SLC6A15: variants seen among roughly 807,000 people sequenced by gnomAD.
The protein encoded by SLC6A15 is solute carrier family 6 member 15, also known as sodium-dependent neutral amino acid transporter B(0)AT2.
A neutral mutation model predicts 68.5 loss-of-function variants in SLC6A15; 33 were observed. The observed-to-expected ratio is 0.48, with a 90% CI of 0.37 to 0.64. The LOEUF is 0.64. SLC6A15 is among the 30% of genes least tolerant of loss of function. The pLI is 0.00. For synonymous variants in SLC6A15, 347 were observed against 301.0 expected, an observed-to-expected ratio of 1.15 and a Z score of -1.58; for missense variants, 747 against 874.3, an observed-to-expected ratio of 0.85 and a Z score of 1.84.
intron 11 of SLC6A15, among the ~76,000 whole-genome samples, chr12:84,862,947 G>A (rs1870912743): frequency 6.6e-6 from 1 of 151,974 alleles, no homozygotes; most frequent in Non-Finnish European, 1.5e-5. Context: ...GTGCTACCAT[G>A]CCCAGCTAAT....
chr12:84,903,420 TA>T (rs1375677815), intron 1 of SLC6A15, among the ~76,000 whole-genome samples: 2 of 152,192 alleles, frequency 1.3e-5, no homozygotes, highest in South Asian at 2.1e-4. Context: ...TAATATGCCC[TA>T]AAAAACATTG....
chr12:84,873,716 G>T (rs1871391749), intron 6 of SLC6A15, among the ~76,000 whole-genome samples: 2 of 152,004 alleles, frequency 1.3e-5, no homozygotes, highest in South Asian at 2.1e-4. Flanking sequence ...GTTAATAGTT[G>T]CTTCACTAAC....
At chr12:84,905,966 T>C (rs1873130501) in intron 1 of SLC6A15, among the ~76,000 whole-genome samples, 2 of 152,212 alleles carry the variant, frequency 1.3e-5, no homozygotes, top group African/African-American at 2.4e-5. Context: ...CATACTTATT[T>C]TTTGGTCATT....
At chr12:84,881,503 A>C (rs2120622711) in intron 5 of SLC6A15, 1 of 985,450 alleles carries the variant, frequency 1.0e-6, no homozygotes, top group East Asian at 1.1e-4. Flanking sequence ...CCAGTATTGC[A>C]GATGTGGTCC....
chr12:84,881,967 G>T, intron 5 of SLC6A15: 2 of 983,136 alleles, frequency 2.0e-6, no homozygotes, highest in Non-Finnish European at 2.4e-6. Context: ...GTCTTTTCCT[G>T]AGGCATTCTC....
At chr12:84,899,716 A>G (rs186995129) in intron 1 of SLC6A15, among the ~76,000 whole-genome samples, 1 of 152,294 alleles carries the variant, frequency 6.6e-6, no homozygotes, top group East Asian at 1.9e-4. Context: ...ATGAACATAA[A>G]TACACAAATA....
chr12:84,881,248 A>G (rs1163641607), intron 5 of SLC6A15: 1 of 166,572 alleles, frequency 6.0e-6, no homozygotes, highest in African/African-American at 2.4e-5. Flanking sequence ...AGTGATGCTG[A>G]GCTCTCTACC....
chr12:84,872,718 A>G lies in SLC6A15; in HGVS notation c.1186T>C (p.Ser396Pro). The G allele has an allele frequency of 6.2e-7, 1 of 1,613,268 alleles. No individual in the cohort carries two copies. The highest frequency in any genetic ancestry group is 8.5e-7 in the Non-Finnish European group (1 of 1,179,690). ...TGATAATCTTCTGCAGTAACAGTTGAAAGGTTGATATGATGGGGAATAATA... is the reference window on the plus strand; with the variant it reads ...TGATAATCTTCTGCAGTAACAGTTGGAAGGTTGATATGATGGGGAATAATA... ...QDIIPHHINLSTVTAEDYHLV... is the reference protein window; with the variant it reads ...QDIIPHHINLPTVTAEDYHLV... The change falls in exon 8 of 12, where the codon TCA (serine) becomes CCA (proline). Residue 396 changes from serine to proline, a missense_variant. Transcript: ENST00000266682.
chr12:84,884,208 A>C (rs7304260), intron 4 of SLC6A15, among the ~76,000 whole-genome samples, 168 bp from the exon 5 acceptor site: 6,201 of 152,338 alleles, frequency 0.041, 405 homozygotes, highest in African/African-American at 0.14. Flanking sequence ...ACTGTGCAAC[A>C]AACAGAAATG....
intron 1 of SLC6A15, among the ~76,000 whole-genome samples, chr12:84,909,902 G>A (rs943069410): frequency 2.6e-5 from 4 of 152,112 alleles, no homozygotes; most frequent in African/African-American, 9.7e-5. Context: ...TTTATGACAA[G>A]AGAAGCATAT....
intron 5 of SLC6A15, among the ~76,000 whole-genome samples, chr12:84,879,846 T>C (rs1337810755): frequency 1.3e-5 from 2 of 152,174 alleles, no homozygotes; most frequent in African/African-American, 4.8e-5. Flanking sequence ...TGCATATCCA[T>C]CAGTGCCTGA....
chr12:84,883,474 C>A, intron 5 of SLC6A15: 1 of 1,186,892 alleles, frequency 8.4e-7, no homozygotes, highest in Non-Finnish European at 1.0e-6. Flanking sequence ...TGATATCAAA[C>A]AAACAAAATG....
chr12:84,876,977 T>C (rs1330664945), intron 5 of SLC6A15, among the ~76,000 whole-genome samples: 2 of 152,138 alleles, frequency 1.3e-5, no homozygotes, highest in Non-Finnish European at 2.9e-5. Flanking sequence ...AGTAGCAAAA[T>C]AAAGTCCTAT....
chr12:84,861,431 G>T lies in SLC6A15; in HGVS notation c.*201C>A. On this transcript the variant is annotated 3_prime_UTR_variant, in exon 12 of 12. Transcript: ENST00000266682. ...ACCTCAGCCCTCCTAAGATTTGTCTGCAATCCTTTCTGCACAAATGTAAAC... is the reference window on the plus strand; with the variant it reads ...ACCTCAGCCCTCCTAAGATTTGTCTTCAATCCTTTCTGCACAAATGTAAAC... The T allele has an allele frequency of 1.9e-6, 1 of 513,620 alleles. No homozygotes were observed. Among genetic ancestry groups the T allele is most frequent in the Non-Finnish European group, 3.2e-6 (1 of 311,124 alleles). 31.8% of individuals were successfully genotyped at this position (513,620 alleles called of 1,614,324 possible).
intron 1 of SLC6A15, among the ~76,000 whole-genome samples, chr12:84,910,167 C>T (rs78939767): frequency 0.04 from 6,103 of 151,898 alleles, 389 homozygotes; most frequent in African/African-American, 0.13. Flanking sequence ...TACTACATCT[C>T]GAGTTAACTA....
chr12:84,894,841 T>A (rs1029930593), intron 1 of SLC6A15, among the ~76,000 whole-genome samples: 2 of 151,988 alleles, frequency 1.3e-5, no homozygotes, highest in Admixed American at 1.3e-4. Context: ...TGTAAACAAA[T>A]TTTAAATGTA....
At chr12:84,889,457 G>A (rs1872281739) in intron 2 of SLC6A15, among the ~76,000 whole-genome samples, 1 of 151,504 alleles carries the variant, frequency 6.6e-6, no homozygotes, top group South Asian at 2.1e-4. Context: ...TTGCGCCACT[G>A]AACTCCAGGC....
At chr12:84,889,106 G>T (rs764055188) in intron 2 of SLC6A15, among the ~76,000 whole-genome samples, 29 of 152,164 alleles carry the variant, frequency 1.9e-4, no homozygotes, top group Non-Finnish European at 2.9e-4. Flanking sequence ...AGGACTTGCT[G>T]GGTTTGCTTC....
chr12:84,882,305 C>G, intron 5 of SLC6A15: 1 of 985,262 alleles, frequency 1.0e-6, no homozygotes, highest in Non-Finnish European at 1.2e-6. Context: ...GAATGTGGCT[C>G]TGACATAGTG....
Sources: gnomAD v4.1 joint callset for allele counts (sites outside exome capture counted in the v4.1 genomes callset) on GRCh38, gnomAD v4.1.1 for gene constraint, MANE v1.5 for transcripts, NCBI Gene and HGNC (gene_info 2026-07-23, HGNC 2026-07-21) for gene names.